The following CLEC1B variants were observed in gnomAD, a reference collection of about 807,000 sequenced individuals.
CLEC1B encodes C-type lectin domain family 1 member B.
In CLEC1B, 26 loss-of-function variants were observed where a neutral mutation model predicts 26.7. That is an observed-to-expected ratio of 0.97 (90% CI 0.71 to 1.35). CLEC1B has a LOEUF of 1.35. Ranked by LOEUF, CLEC1B falls within the 40% of genes most tolerant of loss-of-function variation. The pLI is 0.00. For missense variants in CLEC1B, 293 were observed against 282.6 expected (o/e 1.04, Z -0.26); for synonymous variants, 112 against 96.0 (o/e 1.17, Z -0.97).
At chr12:9,997,788 A>C (rs1865088550) in intron 2 of CLEC1B, among the ~76,000 whole-genome samples, 1 of 152,216 alleles carries the variant, frequency 6.6e-6, no homozygotes, top group Non-Finnish European at 1.5e-5. Flanking sequence ...CAACAACTAC[A>C]CAGACTTCAA....
At chr12:9,998,644 T>TTTTTGTTTTG (rs71049030) in intron 1 of CLEC1B, among the ~76,000 whole-genome samples, 2,043 of 145,726 alleles carry the variant, frequency 0.014, 35 homozygotes, top group African/African-American at 0.027. Context: ...GTGTTTGTAT[T>TTTTTGTTTTG]TTTTGTTTTG....
upstream of CLEC1B, among the ~76,000 whole-genome samples, chr12:10,000,954 G>C (rs1314224132): frequency 1.3e-5 from 2 of 152,190 alleles, no homozygotes; most frequent in Admixed American, 1.3e-4. Context: ...CAAAGTAACA[G>C]AGAGAAAAGA....
chr12:9,997,283 G>C lies in CLEC1B; in HGVS notation c.164-4C>G. The C allele has an allele frequency of 6.2e-7, 1 of 1,604,424 alleles. No individual in the cohort carries two copies. The highest frequency in any genetic ancestry group is 8.5e-7 in the Non-Finnish European group (1 of 1,174,340). On this transcript the variant is annotated splice_polypyrimidine_tract_variant and splice_region_variant and intron_variant, in intron 2 of 5. Transcript: ENST00000298527. ...AGGTAATTGCGCTGCATGACAGCTA[G>C]GTTTAAAAAGTAAATAATAATAATT...
chr12:9,997,152 ATACT>A lies in CLEC1B; in HGVS notation c.283+4_283+7del. ...GAGAGATGAAGAGGTTAAAAAAACAATACTTACTGAAAGTGCCCTTTAGTTCTGA... is the reference window on the plus strand; with the variant it reads ...GAGAGATGAAGAGGTTAAAAAAACAATACTGAAAGTGCCCTTTAGTTCTGA... On this transcript the variant is annotated splice_donor_5th_base_variant and intron_variant, in intron 3 of 5. Transcript: ENST00000298527. 6.2e-7 allele frequency: 1 copy of A among 1,613,862 alleles called. No individual in the cohort carries two copies. Among genetic ancestry groups the A allele is most frequent in the South Asian group, 1.1e-5 (1 of 91,078 alleles).
At chr12:9,998,786 T>G (rs1865115811) in intron 1 of CLEC1B, among the ~76,000 whole-genome samples, 2 of 152,188 alleles carry the variant, frequency 1.3e-5, no homozygotes, top group South Asian at 4.1e-4. Context: ...CGTTATCCCC[T>G]TGACTTCTAT....
chr12:9,996,976 TC>T lies in CLEC1B; in HGVS notation c.307del (p.Asp103ThrfsTer19), dbSNP rs1183719293. 1 of 1,614,090 alleles carries T rather than the reference TC, an allele frequency of 6.2e-7. No homozygotes were observed. Among genetic ancestry groups the T allele is most frequent in the Non-Finnish European group, 8.5e-7 (1 of 1,179,964 alleles). On this transcript the variant is annotated frameshift_variant, in exon 4 of 6. Transcript: ENST00000298527. LOFTEE classifies it high-confidence loss of function. ...TFKGHKCSPC[D>X]TNWRYYGDSC... is the part of the protein sequence containing the mutation. ...ATCTCCATAATATCTCCAGTTTGTG[TC>T]ACAGGGGCTGCATTTATGACCTTCT...
At chr12:9,998,012 T>C (rs1865093034) in intron 2 of CLEC1B, among the ~76,000 whole-genome samples, 1 of 151,924 alleles carries the variant, frequency 6.6e-6, no homozygotes, top group African/African-American at 2.4e-5. Flanking sequence ...TTTTTAAAAA[T>C]AGTTTGGATC....
At chr12:9,998,429 TA>T (rs772997197) in intron 1 of CLEC1B, 49 bp from the exon 2 acceptor site, 108 of 1,433,356 alleles carry the variant, frequency 7.5e-5, no homozygotes, top group Non-Finnish European at 8.6e-5. Context: ...ATGGGTTAGC[TA>T]TGGGGAAGGC....
At chr12:9,995,582 A>C (rs969776562) in intron 4 of CLEC1B, 7 of 345,996 alleles carry the variant, frequency 2.0e-5, no homozygotes, top group African/African-American at 1.5e-4. Flanking sequence ...TAAACAGAGA[A>C]AGGAAATACA....
rs1040914016 is a variant in CLEC1B, at chr12:9,993,131, C to T, written c.*12G>A. Reference sequence around the variant, plus strand: ...AAGCCCTTATCTGTGTTATCCTGTCCACCTCTTTGCATTAAGGTAGTTGGT... The same window carrying T: ...AAGCCCTTATCTGTGTTATCCTGTCTACCTCTTTGCATTAAGGTAGTTGGT... On this transcript the variant is annotated 3_prime_UTR_variant, in exon 6 of 6. Transcript: ENST00000298527. 1 of 1,604,530 alleles carries T rather than the reference C, an allele frequency of 6.2e-7. No homozygotes were observed. Among genetic ancestry groups the T allele is most frequent in the East Asian group, 2.2e-5 (1 of 44,650 alleles).
At chr12:10,001,354 A>G (rs1263554414), upstream of CLEC1B, among the ~76,000 whole-genome samples, 1 of 152,168 alleles carries the variant, frequency 6.6e-6, no homozygotes, top group Non-Finnish European at 1.5e-5. Flanking sequence ...CCGCCTTTGA[A>G]GATATTCCTT....
chr12:9,994,600 TAGA>T (rs1864985693), intron 5 of CLEC1B, among the ~76,000 whole-genome samples: 1 of 152,046 alleles, frequency 6.6e-6, no homozygotes, highest in African/African-American at 2.4e-5. Context: ...GGATTGTTTG[TAGA>T]AGGACAAAGC....
chr12:9,993,895 A>G (rs949786404), intron 5 of CLEC1B, among the ~76,000 whole-genome samples: 4 of 152,156 alleles, frequency 2.6e-5, no homozygotes, highest in African/African-American at 9.7e-5. Context: ...CTATGTGACA[A>G]AGTTGTTCTA....
At chr12:9,996,671 T>C in intron 4 of CLEC1B, 175 bp downstream of exon 4, 1 of 729,188 alleles carries the variant, frequency 1.4e-6, no homozygotes, top group East Asian at 2.7e-5. Context: ...TTGTAGAATA[T>C]TATGAGTGGA....
chr12:10,000,611 A>G (rs1022593871), upstream of CLEC1B, among the ~76,000 whole-genome samples: 3 of 152,232 alleles, frequency 2.0e-5, no homozygotes, highest in African/African-American at 7.2e-5. Context: ...TCTCAGTTAA[A>G]ATATTCAGGG....
intron 5 of CLEC1B, 36 bp from the exon 6 acceptor site, chr12:9,993,323 A>C (rs770823203): frequency 1.3e-6 from 2 of 1,572,810 alleles, no homozygotes; most frequent in Non-Finnish European, 8.7e-7. Context: ...TCCTTTGAAA[A>C]CTGAGCAAAC....
intron 2 of CLEC1B, 137 bp from the exon 3 acceptor site, chr12:9,997,416 T>C: frequency 1.3e-6 from 1 of 750,850 alleles, no homozygotes; most frequent in Non-Finnish European, 2.1e-6. Flanking sequence ...TAAATGAATG[T>C]TGAAAAGTGT....
In CLEC1B at chr12:9,999,059, A is replaced by G. The variant is rs1865122363; in HGVS notation, c.42T>C (p.Thr14=). 14 of 1,607,000 alleles carry G rather than the reference A, an allele frequency of 8.7e-6. No homozygotes were observed. Among genetic ancestry groups the G allele is most frequent in the Non-Finnish European group, 1.0e-5 (12 of 1,174,966 alleles). Residue 14 remains threonine, a synonymous_variant, in exon 1 of 6, where the codon ACT becomes ACC. Coordinates refer to ENST00000298527, the MANE Select transcript of CLEC1B (RefSeq NM_016509.4). ...TACCGGAGATGAGAGCTGGTTTCCG[A>G]GTTTTAATATTTAAGGTGATGTATC... is the stretch of plus-strand genomic sequence containing the variant. ...EDGYITLNIK[T]RKPALISVGS...
At chr12:9,999,836 A>T (rs183108175), upstream of CLEC1B, among the ~76,000 whole-genome samples, 9 of 152,330 alleles carry the variant, frequency 5.9e-5, no homozygotes, top group Admixed American at 5.9e-4. Flanking sequence ...GGAATGGAAG[A>T]ATTTTGATTT....
Sources: gnomAD v4.1 joint callset for allele counts (sites outside exome capture counted in the v4.1 genomes callset) on GRCh38, gnomAD v4.1.1 for gene constraint, MANE v1.5 for transcripts, NCBI Gene and HGNC (gene_info 2026-07-23, HGNC 2026-07-21) for gene names.